The following CCDC60 variants were observed in gnomAD, a reference collection of about 807,000 sequenced individuals.
CCDC60 encodes the protein coiled-coil domain-containing protein 60.
A neutral mutation model predicts 63.5 loss-of-function variants in CCDC60; 54 were observed. That is an observed-to-expected ratio of 0.85 (90% CI 0.68 to 1.07). The LOEUF is 1.07. Among genes scored for constraint, CCDC60 ranks in the 50% least tolerant of loss-of-function variants. The pLI is 0.00. For synonymous variants in CCDC60, 206 were observed against 238.8 expected (o/e 0.86, Z 1.27); for missense variants, 651 against 684.3 (o/e 0.95, Z 0.54).
intron 1 of CCDC60, among the ~76,000 whole-genome samples, chr12:119,419,805 T>C (rs1194884599): frequency 6.6e-6 from 1 of 151,510 alleles, no homozygotes; most frequent in Non-Finnish European, 1.5e-5. Flanking sequence ...CACCTCTCCC[T>C]GACAATCAAA....
chr12:119,472,650 G>GCA (rs1033252555), intron 3 of CCDC60, among the ~76,000 whole-genome samples: 3 of 142,816 alleles, frequency 2.1e-5, no homozygotes. Context: ...GCGTGATCTT[G>GCA]GCTCACTGCA....
At chr12:119,351,379 C>T (rs1004320179) in intron 1 of CCDC60, among the ~76,000 whole-genome samples, 4 of 152,206 alleles carry the variant, frequency 2.6e-5, no homozygotes, top group Non-Finnish European at 4.4e-5. Flanking sequence ...TCCATTCTCA[C>T]ATTGCTATAA....
At chr12:119,421,216 G>C (rs1956806883) in intron 1 of CCDC60, among the ~76,000 whole-genome samples, 1 of 152,132 alleles carries the variant, frequency 6.6e-6, no homozygotes, top group Non-Finnish European at 1.5e-5. Flanking sequence ...GAGAACAACA[G>C]ATATTTAGAA....
At chr12:119,540,122 AT>A (rs1245929956) in intron 13 of CCDC60, among the ~76,000 whole-genome samples, 1 of 152,116 alleles carries the variant, frequency 6.6e-6, no homozygotes, top group Non-Finnish European at 1.5e-5. Flanking sequence ...AGCTGTTCCT[AT>A]TCAGCCGTCT....
intron 1 of CCDC60, among the ~76,000 whole-genome samples, chr12:119,354,345 G>A (rs765854873): frequency 5.9e-5 from 9 of 152,240 alleles, no homozygotes; most frequent in East Asian, 1.9e-4. Context: ...ATGTGCTTTC[G>A]TCTGCCTGGA....
At chr12:119,514,159 T>A (rs907774128) in intron 7 of CCDC60, among the ~76,000 whole-genome samples, 5 of 151,914 alleles carry the variant, frequency 3.3e-5, no homozygotes, top group Non-Finnish European at 5.9e-5. Context: ...TGTTTGTGGC[T>A]TAGTTTCCTT....
intron 2 of CCDC60, among the ~76,000 whole-genome samples, chr12:119,455,943 G>A (rs866593558): frequency 2.2e-5 from 2 of 91,344 alleles, no homozygotes; most frequent in Non-Finnish European, 4.4e-5. Flanking sequence ...GAGAAAGAGA[G>A]AGAAAGGAAG....
intron 2 of CCDC60, chr12:119,433,567 A>T (rs1189116454): frequency 1.4e-6 from 1 of 702,382 alleles, no homozygotes; most frequent in African/African-American, 1.7e-5. Context: ...AAGGGAAGTC[A>T]TCTCTCCAAG....
intron 8 of CCDC60, among the ~76,000 whole-genome samples, chr12:119,517,684 C>T (rs546133229): frequency 1.3e-5 from 2 of 152,160 alleles, no homozygotes; most frequent in South Asian, 4.1e-4. Context: ...CTTCAGGGAA[C>T]TGAAATGCAG....
rs1340678991 is a variant in CCDC60 at position 119,500,256 on chromosome 12, A to G, written c.648+88A>G. 4 of 907,942 alleles carry G rather than the reference A, an allele frequency of 4.4e-6. No homozygotes were observed. The East Asian group carries it at 1.0e-4, about 23-fold the overall frequency. The allele number at this position is 907,942 out of a possible 1,614,324, so 56.2% of individuals were successfully genotyped here. ...TTTTGCCAGTCTTTTCTCTGATGGG[A>G]ATTTTTTTTTCCTAGTTGGTTCTCG... On this transcript the variant is annotated intron_variant, in intron 6 of 13. Coordinates refer to ENST00000327554, the MANE Select transcript of CCDC60 (RefSeq NM_178499.5).
intron 1 of CCDC60, among the ~76,000 whole-genome samples, chr12:119,366,607 A>G (rs1178386406): frequency 2.0e-5 from 3 of 152,196 alleles, no homozygotes; most frequent in Non-Finnish European, 4.4e-5. Context: ...GTGGGGCTTC[A>G]TGAGAAAATC....
At chr12:119,374,032 G>A (rs1024317473) in intron 1 of CCDC60, among the ~76,000 whole-genome samples, 1 of 151,854 alleles carries the variant, frequency 6.6e-6, no homozygotes, top group Non-Finnish European at 1.5e-5. Flanking sequence ...CTCTTGCCCA[G>A]GGGCTGAGTA....
intron 1 of CCDC60, among the ~76,000 whole-genome samples, chr12:119,385,527 C>T (rs569541878): frequency 2.6e-5 from 4 of 152,350 alleles, no homozygotes; most frequent in South Asian, 2.1e-4. Context: ...CCTGCTGCCA[C>T]GTAAGACGTG....
intron 1 of CCDC60, among the ~76,000 whole-genome samples, chr12:119,414,980 TA>T (rs1956674150): frequency 6.6e-6 from 1 of 152,254 alleles, no homozygotes; most frequent in Non-Finnish European, 1.5e-5. Context: ...TATTTTTTAA[TA>T]ACCATCTCAT....
At chr12:119,362,801 T>C (rs1955803869) in intron 1 of CCDC60, among the ~76,000 whole-genome samples, 2 of 152,224 alleles carry the variant, frequency 1.3e-5, no homozygotes, top group Non-Finnish European at 2.9e-5. Context: ...GGAATATTTT[T>C]AGTTTAATCA....
chr12:119,519,637 A>G (rs1952457739), intron 8 of CCDC60, among the ~76,000 whole-genome samples: 1 of 151,318 alleles, frequency 6.6e-6, no homozygotes, highest in Non-Finnish European at 1.5e-5. Context: ...TAATTTTTAT[A>G]TTTTTAGTAG....
intron 1 of CCDC60, among the ~76,000 whole-genome samples, chr12:119,378,865 G>A (rs1408834827): frequency 6.6e-6 from 1 of 152,240 alleles, no homozygotes; most frequent in Non-Finnish European, 1.5e-5. Flanking sequence ...GATATGTGCA[G>A]AGAGCCAGAC....
rs1433017368 is a variant in CCDC60, at chr12:119,520,162, A to G, written c.1010A>G (p.Tyr337Cys). ...VLKQNKSNSA[Y>C]KEMQTTLKSS... ...AAACAAAACAAGAGTAATTCTGCTT[A>G]TAAGGAAATGCAGACCACTCTCAAA... Residue 337 changes from tyrosine (Y) to cysteine (C), a missense_variant, in exon 9 of 14, where the codon TAT (tyrosine) becomes TGT (cysteine). Tyr to Cys is a radical substitution (Grantham distance 194, BLOSUM62 -2). Coordinates refer to ENST00000327554, the MANE Select transcript of CCDC60 (RefSeq NM_178499.5). 4.3e-6 allele frequency: 7 copies of G among 1,613,792 alleles called. No homozygotes were observed. In the South Asian group the frequency reaches 5.5e-5, roughly 13 times the overall value.
chr12:119,415,393 A>T (rs1192381055), intron 1 of CCDC60, among the ~76,000 whole-genome samples: 1 of 152,254 alleles, frequency 6.6e-6, no homozygotes, highest in Non-Finnish European at 1.5e-5. Flanking sequence ...GCTAGACCAT[A>T]GAGATCAGGA....
Sources: allele counts gnomAD v4.1 joint callset (sites outside exome capture counted in the v4.1 genomes callset), GRCh38; gene constraint gnomAD v4.1.1; transcripts MANE v1.5; gene names NCBI Gene and HGNC (gene_info 2026-07-23, HGNC 2026-07-21).